ZC3H12B: variants seen among roughly 807,000 people sequenced by gnomAD.
ZC3H12B encodes the protein probable ribonuclease ZC3H12B.
ZC3H12B carries 7 observed loss-of-function variants against 43.9 expected under a neutral mutation model. The ratio of observed to expected loss-of-function variants is 0.16; its 90% CI spans 0.09 to 0.30. ZC3H12B has a LOEUF of 0.30. ZC3H12B is among the 10% of genes least tolerant of loss of function. The pLI is 1.00. For synonymous variants in ZC3H12B, 222 were observed against 241.7 expected (o/e 0.92, Z 0.76); for missense variants, 475 against 670.2 (o/e 0.71, Z 3.22).
chrX:65,317,032 A>T, the ZC3H12B span, among the ~76,000 whole-genome samples: 6 of 111,325 alleles, frequency 5.4e-5, no homozygotes, highest in Admixed American at 4.8e-4. Context: ...AACCAACAAC[A>T]ATCAAAAAAG....
At chrX:65,347,657 C>A in the ZC3H12B span, among the ~76,000 whole-genome samples, 1 of 112,330 alleles carries the variant, frequency 8.9e-6, no homozygotes, top group Non-Finnish European at 1.9e-5. Context: ...ACTAGTTCAA[C>A]CATTGTGGAA....
chrX:65,152,351 A>G, the ZC3H12B span, among the ~76,000 whole-genome samples: 2 of 111,709 alleles, frequency 1.8e-5, no homozygotes, highest in Non-Finnish European at 3.8e-5. Context: ...TCAGCCCAAA[A>G]TCTCCTTAAG....
At chrX:65,120,293 T>C in the ZC3H12B span, among the ~76,000 whole-genome samples, 1 of 112,025 alleles carries the variant, frequency 8.9e-6, no homozygotes, top group Non-Finnish European at 1.9e-5. Flanking sequence ...CGAATGTTCT[T>C]CCATTTGTTT....
At chrX:65,159,551 G>T in the ZC3H12B span, among the ~76,000 whole-genome samples, 1 of 111,802 alleles carries the variant, frequency 8.9e-6, no homozygotes. Context: ...GTTCACTCAT[G>T]ATTTGGCTCT....
intron 3 of ZC3H12B, among the ~76,000 whole-genome samples, chrX:65,459,336 A>T (rs1422615455): frequency 8.9e-6 from 1 of 112,101 alleles, no homozygotes; most frequent in African/African-American, 3.2e-5. Context: ...AAAAAGAGGG[A>T]ATCCTCCCTA....
the ZC3H12B span, among the ~76,000 whole-genome samples, chrX:65,234,910 C>T: frequency 8.9e-6 from 1 of 111,914 alleles, no homozygotes; most frequent in African/African-American, 3.2e-5. Flanking sequence ...TCTGATCATT[C>T]AGCTTCCACG....
chrX:65,133,785 G>A, the ZC3H12B span, among the ~76,000 whole-genome samples: 1 of 110,321 alleles, frequency 9.1e-6, no homozygotes, highest in Non-Finnish European at 1.9e-5. Flanking sequence ...AGGACTCAGA[G>A]GTTGGGGTGG....
chrX:65,332,643 C>T, the ZC3H12B span, among the ~76,000 whole-genome samples: 1 of 111,106 alleles, frequency 9.0e-6, no homozygotes, highest in African/African-American at 3.3e-5. Flanking sequence ...GGGATGCAGC[C>T]AGAGATGACT....
the ZC3H12B span, among the ~76,000 whole-genome samples, chrX:65,132,271 C>T: frequency 1.8e-5 from 2 of 111,437 alleles, no homozygotes; most frequent in African/African-American, 3.3e-5. Context: ...TAAGACTTGT[C>T]CGGTTTTTGA....
chrX:65,330,003 T>C, the ZC3H12B span, among the ~76,000 whole-genome samples: 65 of 112,275 alleles, frequency 5.8e-4, no homozygotes, highest in Non-Finnish European at 1.0e-3. Flanking sequence ...GCTTTGTTCT[T>C]TTAGCTTAAG....
the ZC3H12B span, among the ~76,000 whole-genome samples, chrX:65,193,697 A>G: frequency 9.0e-6 from 1 of 110,732 alleles, no homozygotes; most frequent in Non-Finnish European, 1.9e-5. Flanking sequence ...TTGCTTTTCT[A>G]GTTTTTTAAG....
At chrX:65,337,626 G>T in the ZC3H12B span, among the ~76,000 whole-genome samples, 2 of 112,302 alleles carry the variant, frequency 1.8e-5, no homozygotes. Context: ...TATTCCACAA[G>T]TAGATACAAT....
the ZC3H12B span, chrX:65,186,667 C>A: frequency 9.1e-6 from 1 of 110,300 alleles, no homozygotes; most frequent in Non-Finnish European, 1.9e-5. Context: ...CAATGTGTAG[C>A]CTTTTACCCC....
At chrX:65,115,960 A>T in the ZC3H12B span, among the ~76,000 whole-genome samples, 1 of 110,588 alleles carries the variant, frequency 9.0e-6, no homozygotes, top group South Asian at 3.8e-4. Flanking sequence ...CCTTTGTCAG[A>T]TGTATCAACT....
chrX:65,313,380 A>C, the ZC3H12B span, among the ~76,000 whole-genome samples: 1 of 112,312 alleles, frequency 8.9e-6, no homozygotes, highest in Non-Finnish European at 1.9e-5. Context: ...TTTGGGAAAA[A>C]TTCTGGAGAA....
the ZC3H12B span, among the ~76,000 whole-genome samples, chrX:65,234,107 A>T: frequency 8.9e-6 from 1 of 111,783 alleles, no homozygotes; most frequent in African/African-American, 3.2e-5. Flanking sequence ...ATGAATATGC[A>T]TACAAAAATA....
chrX:65,213,143 A>G, the ZC3H12B span, among the ~76,000 whole-genome samples: 6 of 109,556 alleles, frequency 5.5e-5, no homozygotes, highest in Non-Finnish European at 1.1e-4. Context: ...CATATATTAT[A>G]AAATTTATAT....
chrX:65,050,236 G>C, the ZC3H12B span, among the ~76,000 whole-genome samples: 6 of 111,079 alleles, frequency 5.4e-5, no homozygotes, highest in Non-Finnish European at 9.5e-5. Flanking sequence ...AAGTGCAACT[G>C]CTTTTTATTT....
At chrX:65,066,555 C>T in the ZC3H12B span, among the ~76,000 whole-genome samples, 5 of 111,362 alleles carry the variant, frequency 4.5e-5, no homozygotes, top group Admixed American at 1.9e-4. Flanking sequence ...AACCTGAGCT[C>T]TTCTGTATGA....
Sources: allele counts gnomAD v4.1 joint callset (sites outside exome capture counted in the v4.1 genomes callset), GRCh38; gene constraint gnomAD v4.1.1; transcripts MANE v1.5; gene names NCBI Gene and HGNC (gene_info 2026-07-23, HGNC 2026-07-21).